The following DIP2B variants were observed in gnomAD, a reference collection of about 807,000 sequenced individuals.
DIP2B encodes disco-interacting protein 2 homolog B.
Under a neutral mutation model 198.0 loss-of-function variants are expected in DIP2B, and 76 were observed. The observed-to-expected ratio is 0.38, with a 90% CI of 0.32 to 0.46. The LOEUF (loss-of-function observed/expected upper bound fraction) is 0.46. Ranked by LOEUF, DIP2B falls within the 20% of genes least tolerant of loss-of-function variation. The pLI is 0.99. For synonymous variants in DIP2B, 701 were observed against 739.1 expected (o/e 0.95, Z 0.84); for missense variants, 1,559 against 1,978.4 (o/e 0.79, Z 4.02).
At chr12:50,689,425 T>A (rs1423557982) in intron 12 of DIP2B, among the ~76,000 whole-genome samples, 1 of 151,884 alleles carries the variant, frequency 6.6e-6, no homozygotes, top group African/African-American at 2.4e-5. Context: ...GAGCCCAAGC[T>A]TATGGTAGAG....
chr12:50,622,015 C>G (rs1270281804), intron 1 of DIP2B, among the ~76,000 whole-genome samples: 1 of 152,152 alleles, frequency 6.6e-6, no homozygotes. Flanking sequence ...CATTGCCTGA[C>G]TGAGACTTAA....
chr12:50,727,601 A>C, intron 28 of DIP2B, 102 bp from the exon 29 acceptor site: 2 of 1,014,014 alleles, frequency 2.0e-6, no homozygotes, highest in South Asian at 2.8e-5. Flanking sequence ...AGCTTTAGCA[A>C]ATCTGCGAAG....
chr12:50,682,628 C>CAA (rs58672851), intron 9 of DIP2B, among the ~76,000 whole-genome samples: 1,151 of 39,812 alleles, frequency 0.029, 51 homozygotes, highest in African/African-American at 0.042. Flanking sequence ...GACTCTGTCT[C>CAA]AAAAAAAAAA....
intron 3 of DIP2B, among the ~76,000 whole-genome samples, chr12:50,650,538 A>C (rs1366833827): frequency 1.3e-5 from 2 of 152,184 alleles, no homozygotes; most frequent in East Asian, 3.8e-4. Flanking sequence ...TGAGTACTTC[A>C]TATAACTGGA....
intron 4 of DIP2B, among the ~76,000 whole-genome samples, chr12:50,667,826 G>C: frequency 6.6e-6 from 1 of 152,134 alleles, no homozygotes. Context: ...ATTCTCCTGG[G>C]GATTAGAAGA....
At position 50,683,160 on chromosome 12, in the gene DIP2B, A is replaced by G. The variant is rs372923078; in HGVS notation, c.1229A>G (p.Asn410Ser). ...GDRVALVYPN[N>S]DPVMFMVAFY... ...TAGGTAGCCCTGGTTTACCCCAACAATGATCCAGTCATGTTTATGGTGGCT... is the reference window on the plus strand; with the variant it reads ...TAGGTAGCCCTGGTTTACCCCAACAGTGATCCAGTCATGTTTATGGTGGCT... The change falls in exon 10 of 38, where the codon AAT (asparagine) becomes AGT (serine). Residue 410 changes from asparagine to serine, a missense_variant. By Grantham distance (46) the Asn-to-Ser change is conservative. Transcript: ENST00000301180. 1.4e-5 allele frequency: 22 copies of G among 1,611,244 alleles called. No homozygotes were observed. The highest frequency in any genetic ancestry group is 1.8e-5 in the Non-Finnish European group (21 of 1,179,192).
At chr12:50,554,043 G>A (rs1369855650) in intron 1 of DIP2B, among the ~76,000 whole-genome samples, 1 of 151,968 alleles carries the variant, frequency 6.6e-6, no homozygotes, top group African/African-American at 2.4e-5. Flanking sequence ...TTTGAAAGAG[G>A]CAAGTAATTT....
chr12:50,683,436 CAT>C (rs1235486076), intron 10 of DIP2B, among the ~76,000 whole-genome samples, 188 bp downstream of exon 10: 29 of 152,268 alleles, frequency 1.9e-4, no homozygotes, highest in African/African-American at 6.7e-4. Flanking sequence ...ATGCAAATAA[CAT>C]ATTTTGTATT....
intron 1 of DIP2B, among the ~76,000 whole-genome samples, chr12:50,563,147 C>T (rs1958534087): frequency 1.3e-5 from 2 of 152,172 alleles, no homozygotes; most frequent in Non-Finnish European, 2.9e-5. Flanking sequence ...CTATTTCCAA[C>T]ATATGCTTAA....
chr12:50,622,544 G>C (rs1454516822), intron 1 of DIP2B, among the ~76,000 whole-genome samples: 1 of 152,150 alleles, frequency 6.6e-6, no homozygotes, highest in Non-Finnish European at 1.5e-5. Flanking sequence ...TAATATTTTG[G>C]TGGGTAAACA....
At chr12:50,705,653 A>G (rs1939501021) in intron 20 of DIP2B, among the ~76,000 whole-genome samples, 1 of 152,250 alleles carries the variant, frequency 6.6e-6, no homozygotes, top group African/African-American at 2.4e-5. Flanking sequence ...TGGACATTGA[A>G]GGAATGACAG....
At chr12:50,718,904 A>T (rs1434826752) in intron 24 of DIP2B, 51 bp from the exon 25 acceptor site, 2 of 1,612,770 alleles carry the variant, frequency 1.2e-6, no homozygotes, top group Non-Finnish European at 1.7e-6. Flanking sequence ...GCATTATATG[A>T]CTTGTTATAA....
intron 3 of DIP2B, among the ~76,000 whole-genome samples, chr12:50,643,099 A>G (rs577262164): frequency 1.3e-5 from 2 of 151,064 alleles, no homozygotes; most frequent in East Asian, 4.0e-4. Flanking sequence ...TTTTTATAGC[A>G]TGTAATAAAG....
At chr12:50,722,494 T>C (rs1229530957) in intron 26 of DIP2B, among the ~76,000 whole-genome samples, 1 of 152,130 alleles carries the variant, frequency 6.6e-6, no homozygotes, top group Non-Finnish European at 1.5e-5. Context: ...CCTCAGGTGA[T>C]CCACCTGCCC....
intron 1 of DIP2B, among the ~76,000 whole-genome samples, chr12:50,583,059 C>G (rs1257778747): frequency 6.6e-6 from 1 of 152,152 alleles, no homozygotes; most frequent in Non-Finnish European, 1.5e-5. Flanking sequence ...ACCGTATACA[C>G]AAAGTGTTAG....
intron 19 of DIP2B, among the ~76,000 whole-genome samples, chr12:50,700,671 C>T (rs183510723): frequency 6.6e-6 from 1 of 152,310 alleles, no homozygotes; most frequent in Non-Finnish European, 1.5e-5. Context: ...GCTTATATCA[C>T]TTACTAAATG....
chr12:50,610,158 T>G (rs554075314), intron 1 of DIP2B, among the ~76,000 whole-genome samples: 2 of 152,322 alleles, frequency 1.3e-5, no homozygotes, highest in South Asian at 2.1e-4. Context: ...AAGGAATGGT[T>G]AGACTGCCTA....
At chr12:50,677,977 A>G (rs1036465961) in intron 7 of DIP2B, among the ~76,000 whole-genome samples, 38 of 151,566 alleles carry the variant, frequency 2.5e-4, no homozygotes, top group African/African-American at 9.2e-4. Flanking sequence ...GCACTAAGGA[A>G]GCAGTAGTCT....
At chr12:50,686,235 C>A (rs868652615) in intron 11 of DIP2B, among the ~76,000 whole-genome samples, 8 of 151,972 alleles carry the variant, frequency 5.3e-5, no homozygotes, top group African/African-American at 1.9e-4. Context: ...ACCTTTATGC[C>A]GATGGTTGGA....
Sources: allele counts gnomAD v4.1 joint callset (sites outside exome capture counted in the v4.1 genomes callset), GRCh38; gene constraint gnomAD v4.1.1; transcripts MANE v1.5; gene names NCBI Gene and HGNC (gene_info 2026-07-23, HGNC 2026-07-21).